Variants in EPHA6 observed in about 807,000 individuals in gnomAD.
EPHA6 encodes the protein ephrin type-A receptor 6.
Under a neutral mutation model 112.0 loss-of-function variants are expected in EPHA6, and 50 were observed. That is an observed-to-expected ratio of 0.45 (90% CI 0.36 to 0.56). EPHA6 has a LOEUF of 0.56. Ranked by LOEUF, EPHA6 falls within the 20% of genes least tolerant of loss-of-function variation. The pLI is 0.00. For missense variants in EPHA6, 1,280 were observed against 1,417.4 expected (o/e 0.90, Z 1.56); for synonymous variants, 529 against 490.7 (o/e 1.08, Z -1.03).
chr3:97,229,419 C>T (rs1215606858), intron 4 of EPHA6, among the ~76,000 whole-genome samples: 3 of 152,090 alleles, frequency 2.0e-5, no homozygotes, highest in Non-Finnish European at 4.4e-5. Flanking sequence ...AGGATCCTGT[C>T]TCATTCTTCT....
intron 6 of EPHA6, among the ~76,000 whole-genome samples, chr3:97,407,537 C>T (rs1490270553): frequency 6.6e-6 from 1 of 151,616 alleles, no homozygotes; most frequent in African/African-American, 2.4e-5. Context: ...AGAAAGAAAA[C>T]ATATTGCTTT....
intron 5 of EPHA6, among the ~76,000 whole-genome samples, chr3:97,348,620 A>G (rs1451498485): frequency 6.6e-6 from 1 of 152,136 alleles, no homozygotes; most frequent in Admixed American, 6.6e-5. Flanking sequence ...CTAGGTGAGC[A>G]CAGTTACAAA....
intron 3 of EPHA6, among the ~76,000 whole-genome samples, chr3:97,113,076 CCTCAA>C (rs1039403586): frequency 3.9e-5 from 6 of 152,008 alleles, no homozygotes; most frequent in African/African-American, 1.4e-4. Context: ...TGTGTCAGGC[CCTCAA>C]CTCAACTGCT....
intron 6 of EPHA6, among the ~76,000 whole-genome samples, chr3:97,418,192 TA>T (rs1341211948): frequency 9.9e-5 from 15 of 151,434 alleles, no homozygotes; most frequent in Admixed American, 3.3e-4. Flanking sequence ...TCATACACTA[TA>T]TATATTAATA....
At chr3:96,990,700 G>A (rs2043183101) in intron 3 of EPHA6, among the ~76,000 whole-genome samples, 1 of 152,062 alleles carries the variant, frequency 6.6e-6, no homozygotes, top group Admixed American at 6.6e-5. Flanking sequence ...ACTACCACCA[G>A]TGTTCATTTT....
At chr3:97,078,679 G>A (rs558745672) in intron 3 of EPHA6, among the ~76,000 whole-genome samples, 21 of 152,046 alleles carry the variant, frequency 1.4e-4, no homozygotes, top group South Asian at 6.2e-4. Context: ...TGTTTTTGTC[G>A]GGTTTGTCAA....
At chr3:97,734,300 T>C (rs1045487570) in intron 15 of EPHA6, among the ~76,000 whole-genome samples, 11 of 152,098 alleles carry the variant, frequency 7.2e-5, no homozygotes, top group Non-Finnish European at 1.5e-4. Context: ...AATTCTATGC[T>C]ATTTCTCTTA....
chr3:96,861,714 CA>C (rs1177456101), intron 1 of EPHA6, among the ~76,000 whole-genome samples: 1 of 151,740 alleles, frequency 6.6e-6, no homozygotes, highest in East Asian at 1.9e-4. Flanking sequence ...TGGAAACAAG[CA>C]AAAACCACAA....
At chr3:96,914,072 G>T (rs946474193) in intron 2 of EPHA6, among the ~76,000 whole-genome samples, 1 of 152,126 alleles carries the variant, frequency 6.6e-6, no homozygotes, top group East Asian at 1.9e-4. Context: ...ATTTTTCATC[G>T]TATATGGATC....
At chr3:97,450,444 G>GT (rs1438279128) in intron 7 of EPHA6, among the ~76,000 whole-genome samples, 3 of 151,966 alleles carry the variant, frequency 2.0e-5, no homozygotes, top group Admixed American at 6.6e-5. Flanking sequence ...ACATTGTTGA[G>GT]TATTGCATTT....
At chr3:97,534,460 CTTT>C (rs558458660) in intron 11 of EPHA6, among the ~76,000 whole-genome samples, 1 of 136,540 alleles carries the variant, frequency 7.3e-6, no homozygotes. Flanking sequence ...CCACCCCCCC[CTTT>C]TTTTTTTTTT....
At chr3:97,057,479 G>A (rs2045888800) in intron 3 of EPHA6, among the ~76,000 whole-genome samples, 2 of 152,146 alleles carry the variant, frequency 1.3e-5, no homozygotes, top group African/African-American at 4.8e-5. Context: ...TTTCAAGAGG[G>A]CAAGCCCCAG....
chr3:97,283,136 T>C (rs1365024841), intron 5 of EPHA6, among the ~76,000 whole-genome samples: 1 of 152,212 alleles, frequency 6.6e-6, no homozygotes, highest in African/African-American at 2.4e-5. Flanking sequence ...TTTGTTAGAT[T>C]TTTTGCATTA....
At chr3:97,327,904 T>G (rs1158747956) in intron 5 of EPHA6, among the ~76,000 whole-genome samples, 1 of 127,822 alleles carries the variant, frequency 7.8e-6, no homozygotes. Flanking sequence ...TGTATATGTG[T>G]GTATATATAT....
chr3:97,624,050 G>T (rs1025564401), intron 13 of EPHA6, among the ~76,000 whole-genome samples: 1 of 151,588 alleles, frequency 6.6e-6, no homozygotes, highest in Non-Finnish European at 1.5e-5. Context: ...AAAAGTTGTT[G>T]TTGGAATTCT....
At chr3:97,630,224 C>T (rs2093891454) in intron 13 of EPHA6, among the ~76,000 whole-genome samples, 1 of 151,816 alleles carries the variant, frequency 6.6e-6, no homozygotes, top group South Asian at 2.1e-4. Flanking sequence ...AAAAATATAA[C>T]TGTGCCTAGC....
intron 3 of EPHA6, among the ~76,000 whole-genome samples, chr3:97,195,537 AGTGTTATAATATTCT>A (rs1309621741): frequency 6.6e-6 from 1 of 152,026 alleles, no homozygotes; most frequent in East Asian, 1.9e-4. Context: ...TCACAGTTAC[AGTGTTATAATATTCT>A]GTGTTTGTCT....
At chr3:96,893,990 C>T (rs2038124258) in intron 2 of EPHA6, among the ~76,000 whole-genome samples, 1 of 152,130 alleles carries the variant, frequency 6.6e-6, no homozygotes, top group Non-Finnish European at 1.5e-5. Context: ...AGAAAATCTC[C>T]AATATGGATG....
chr3:97,029,161 T>C (rs1200219370), intron 3 of EPHA6, among the ~76,000 whole-genome samples: 1 of 151,806 alleles, frequency 6.6e-6, no homozygotes, highest in Non-Finnish European at 1.5e-5. Flanking sequence ...CAAAAGTTAG[T>C]AAATATTATT....
Sources: allele counts gnomAD v4.1 joint callset (sites outside exome capture counted in the v4.1 genomes callset), GRCh38; gene constraint gnomAD v4.1.1; transcripts MANE v1.5; gene names NCBI Gene and HGNC (gene_info 2026-07-23, HGNC 2026-07-21).